KLHDC4: variants seen among roughly 807,000 people sequenced by gnomAD.
KLHDC4 encodes the protein kelch domain-containing protein 4.
A neutral mutation model predicts 62.4 loss-of-function variants in KLHDC4; 90 were observed. The observed-to-expected ratio is 1.44, with a 90% CI of 1.22 to 1.72. The LOEUF (loss-of-function observed/expected upper bound fraction) is 1.72, where lower values mean the gene tolerates loss of function less well. KLHDC4 is among the 40% of genes most tolerant of loss of function. KLHDC4 has a pLI of 0.00. For missense variants in KLHDC4, 1,025 were observed against 699.7 expected, an observed-to-expected ratio of 1.47 and a Z score of -5.25; for synonymous variants, 386 against 284.4, an observed-to-expected ratio of 1.36 and a Z score of -3.59.
chr16:87,735,304 AAAAAAAAAAG>A (rs2143008267), intron 5 of KLHDC4, among the ~76,000 whole-genome samples: 1 of 149,528 alleles, frequency 6.7e-6, no homozygotes, highest in South Asian at 2.1e-4. Context: ...CGTCTCAAAA[AAAAAAAAAAG>A]AAAAAAAAAA....
chr16:87,733,756 G>T (rs1241133467), intron 5 of KLHDC4, among the ~76,000 whole-genome samples: 1 of 143,920 alleles, frequency 6.9e-6, no homozygotes, highest in East Asian at 2.1e-4. Context: ...CTCCTACTTA[G>T]GAATCCACTC....
At chr16:87,754,485 G>A (rs1467381058) in intron 4 of KLHDC4, among the ~76,000 whole-genome samples, 1 of 152,268 alleles carries the variant, frequency 6.6e-6, no homozygotes, top group Non-Finnish European at 1.5e-5. Flanking sequence ...TCATTAGCAG[G>A]TGAGTTCTAA....
chr16:87,704,641 G>A (rs537451689), downstream of KLHDC4, among the ~76,000 whole-genome samples: 19 of 152,090 alleles, frequency 1.2e-4, no homozygotes, highest in African/African-American at 3.6e-4. Flanking sequence ...TCTCACCAAC[G>A]GGCATCTTGG....
chr16:87,699,904 G>C (rs1207583201), exon 1 of KLHDC4: 1 of 152,272 alleles, frequency 6.6e-6, no homozygotes, highest in Middle Eastern at 3.2e-3. Context: ...AGGCGCTGCA[G>C]ACCTAAAGTG....
At chr16:87,728,591 C>A (rs931628132) in intron 6 of KLHDC4, among the ~76,000 whole-genome samples, 9 of 152,196 alleles carry the variant, frequency 5.9e-5, no homozygotes, top group African/African-American at 2.2e-4. Flanking sequence ...AGGGGCTGTA[C>A]AATCTCACTG....
chr16:87,744,516 G>A (rs1355788901), intron 5 of KLHDC4, among the ~76,000 whole-genome samples: 1 of 151,730 alleles, frequency 6.6e-6, no homozygotes. Flanking sequence ...CAGCGAGGTG[G>A]AGGTTGTAGT....
At chr16:87,753,188 C>A (rs975034016) in intron 4 of KLHDC4, among the ~76,000 whole-genome samples, 5 of 152,210 alleles carry the variant, frequency 3.3e-5, no homozygotes, top group Non-Finnish European at 5.9e-5. Context: ...TGGAAATCTG[C>A]ACGGGGGCGT....
At chr16:87,705,982 C>T (rs2034627156), downstream of KLHDC4, among the ~76,000 whole-genome samples, 1 of 151,592 alleles carries the variant, frequency 6.6e-6, no homozygotes, top group Non-Finnish European at 1.5e-5. Context: ...GGGGTCGGTG[C>T]AACACAAACA....
intron 2 of KLHDC4, among the ~76,000 whole-genome samples, chr16:87,757,997 G>A (rs144865659): frequency 1.3e-5 from 2 of 152,348 alleles, no homozygotes; most frequent in East Asian, 1.9e-4. Flanking sequence ...TCCCTTCAGA[G>A]TCCTCTAAGA....
At chr16:87,761,842 A>G (rs2045940487) in intron 2 of KLHDC4, 107 bp downstream of exon 2, 1 of 1,053,312 alleles carries the variant, frequency 9.5e-7, no homozygotes, top group Non-Finnish European at 1.4e-6. Flanking sequence ...TAATAATGAA[A>G]ATGTCCCAAG....
intron 7 of KLHDC4, among the ~76,000 whole-genome samples, chr16:87,716,559 T>C (rs1482465896): frequency 1.3e-5 from 2 of 152,152 alleles, no homozygotes; most frequent in African/African-American, 2.4e-5. Context: ...TCCTCCTATA[T>C]ACTCCCTGCT....
Position 87,711,146 on chromosome 16 carries a change from T to C in KLHDC4, c.1044+89A>G, listed in dbSNP as rs1292503562. 5.0e-6 allele frequency: 7 copies of C among 1,407,530 alleles called. No individual in the cohort carries two copies. In the Admixed American group the frequency reaches 5.3e-5, roughly 11 times the overall value. 87.2% of individuals were successfully genotyped at this position (1,407,530 alleles called of 1,614,324 possible). On this transcript the variant is annotated intron_variant, in intron 9 of 11. Transcript: ENST00000270583. ...AGCTCATGGGCTTTGGGGGCCCCAA[T>C]ACCAAAAGGTGCTGGAGGAAGGCAG...
At position 87,758,838 on chromosome 16, in the gene KLHDC4, G is replaced by C. The variant is rs546218862; in HGVS notation, c.192-2361C>G. Among the ~76,000 whole-genome samples, 108 of 152,190 alleles carry C rather than the reference G, an allele frequency of 7.1e-4. 1 individual carries two copies. Among genetic ancestry groups the C allele is most frequent in the Admixed American group, 2.2e-3 (33 of 15,274 alleles). ...TGGTTAGTGCTAATGGTTGCACAGC[G>C]ACATGAAGTAATTCCACTGAACTGC... On this transcript the variant is annotated intron_variant, in intron 2 of 11. Coordinates refer to ENST00000270583, the MANE Select transcript of KLHDC4 (RefSeq NM_017566.4).
At chr16:87,747,346 A>G (rs1202945195) in intron 5 of KLHDC4, among the ~76,000 whole-genome samples, 1 of 152,002 alleles carries the variant, frequency 6.6e-6, no homozygotes, top group African/African-American at 2.4e-5. Context: ...TGCCAAAGAT[A>G]AACAAGCAAA....
intron 8 of KLHDC4, among the ~76,000 whole-genome samples, chr16:87,714,236 A>G (rs1275898122): frequency 6.6e-6 from 1 of 152,120 alleles, no homozygotes. Context: ...TGCTCCACAG[A>G]GGGCTGTCTG....
chr16:87,754,380 T>C (rs2044519904), intron 4 of KLHDC4, among the ~76,000 whole-genome samples: 2 of 152,142 alleles, frequency 1.3e-5, no homozygotes, highest in African/African-American at 4.8e-5. Context: ...CGTATACAAA[T>C]CTGATTTTTA....
chr16:87,703,861 G>T (rs889663430), downstream of KLHDC4, among the ~76,000 whole-genome samples: 4 of 152,246 alleles, frequency 2.6e-5, no homozygotes, highest in African/African-American at 7.2e-5. Context: ...CATTGCTGCA[G>T]CTCTCTCGTG....
At chr16:87,718,199 G>C (rs1341074969) in intron 7 of KLHDC4, among the ~76,000 whole-genome samples, 1 of 152,030 alleles carries the variant, frequency 6.6e-6, no homozygotes, top group African/African-American at 2.4e-5. Context: ...CTGTTTTTCT[G>C]GATCACCTGT....
chr16:87,724,860 G>A (rs1020040900), intron 7 of KLHDC4, among the ~76,000 whole-genome samples: 11 of 152,206 alleles, frequency 7.2e-5, no homozygotes, highest in African/African-American at 2.2e-4. Flanking sequence ...ACCAACACAC[G>A]CAGCCACTCA....
Sources: allele counts gnomAD v4.1 joint callset (sites outside exome capture counted in the v4.1 genomes callset), GRCh38; gene constraint gnomAD v4.1.1; transcripts MANE v1.5; gene names NCBI Gene and HGNC (gene_info 2026-07-23, HGNC 2026-07-21).